The following KCND3 variants were observed in gnomAD, a reference collection of about 807,000 sequenced individuals.
KCND3 encodes A-type voltage-gated potassium channel KCND3.
In KCND3, 9 loss-of-function variants were observed where a neutral mutation model predicts 51.1. The ratio of observed to expected loss-of-function variants is 0.18; its 90% confidence interval spans 0.11 to 0.31. The LOEUF (loss-of-function observed/expected upper bound fraction) is 0.31, where lower values mean the gene tolerates loss of function less well. Ranked by LOEUF, KCND3 falls within the 10% of genes least tolerant of loss-of-function variation. The pLI, the probability that KCND3 is intolerant of heterozygous loss-of-function variation, is 1.00. For synonymous variants in KCND3, 349 were observed against 368.0 expected (o/e 0.95, Z 0.59); for missense variants, 526 against 903.8 (o/e 0.58, Z 5.36).
chr1:111,856,713 G>A (rs1668089732), intron 2 of KCND3: 1 of 152,342 alleles, frequency 6.6e-6, no homozygotes, highest in South Asian at 2.1e-4. Flanking sequence ...TATGAGCACT[G>A]GTTCCAAGCC....
At chr1:111,790,800 G>T (rs561748301) in intron 2 of KCND3, among the ~76,000 whole-genome samples, 2 of 152,148 alleles carry the variant, frequency 1.3e-5, no homozygotes, top group African/African-American at 4.8e-5. Flanking sequence ...CCCCGTTTTG[G>T]ACAATTCATG....
chr1:111,790,479 A>G (rs976903220), intron 2 of KCND3, among the ~76,000 whole-genome samples: 1 of 152,160 alleles, frequency 6.6e-6, no homozygotes, highest in Non-Finnish European at 1.5e-5. Context: ...CCCAATGCCC[A>G]CTTGCCACAG....
chr1:111,789,757 A>G (rs192807411), intron 2 of KCND3, among the ~76,000 whole-genome samples: 1 of 152,342 alleles, frequency 6.6e-6, no homozygotes, highest in Admixed American at 6.5e-5. Flanking sequence ...CATCTTGCCA[A>G]ATTAACCTTA....
intron 2 of KCND3, among the ~76,000 whole-genome samples, chr1:111,976,534 C>T (rs111622553): frequency 9.1e-4 from 139 of 152,330 alleles, no homozygotes; most frequent in African/African-American, 3.2e-3. Context: ...TATTGAGACA[C>T]ACTATATATC....
At chr1:111,916,819 C>T (rs1671239725) in intron 2 of KCND3, among the ~76,000 whole-genome samples, 1 of 152,136 alleles carries the variant, frequency 6.6e-6, no homozygotes, top group Non-Finnish European at 1.5e-5. Flanking sequence ...ATTTGAAAGA[C>T]ACCAGCTACC....
intron 2 of KCND3, among the ~76,000 whole-genome samples, chr1:111,792,503 G>A (rs1366543530): frequency 6.6e-6 from 1 of 152,188 alleles, no homozygotes; most frequent in Non-Finnish European, 1.5e-5. Flanking sequence ...GGAGTCAGCG[G>A]GAGCTTAGCC....
At chr1:111,809,455 C>T (rs1046307113) in intron 2 of KCND3, among the ~76,000 whole-genome samples, 2 of 151,880 alleles carry the variant, frequency 1.3e-5, no homozygotes, top group Non-Finnish European at 2.9e-5. Flanking sequence ...ACTACAGGCG[C>T]CCACCACCAC....
intron 2 of KCND3, among the ~76,000 whole-genome samples, chr1:111,978,454 G>C (rs76544868): frequency 6.4e-4 from 97 of 152,278 alleles, no homozygotes; most frequent in African/African-American, 2.2e-3. Flanking sequence ...ATGGCCACTT[G>C]GACTCAAATG....
intron 2 of KCND3, among the ~76,000 whole-genome samples, chr1:111,788,631 G>C (rs1005099107): frequency 1.3e-5 from 2 of 152,196 alleles, no homozygotes; most frequent in African/African-American, 4.8e-5. Context: ...ACGTGCACTA[G>C]CATTAAGGCC....
rs1022820208 is a variant in KCND3 at position 111,944,277 on chromosome 1, G to A, written c.1106+37344C>T. Among the ~76,000 whole-genome samples, 8 of 152,290 alleles carry A rather than the reference G, an allele frequency of 5.3e-5. No individual in the cohort carries two copies. The South Asian group carries it at 8.3e-4, about 16-fold the overall frequency. ...GTGGGGCGCAGGCCACAAGAAGCCC[G>A]CTCAGAGCTGGCAATGGCTGTGCTG... On this transcript the variant is annotated intron_variant, in intron 2 of 7. Transcript: ENST00000302127.
At chr1:111,782,403 A>AG (rs140841780) in intron 3 of KCND3, among the ~76,000 whole-genome samples, 3,841 of 152,204 alleles carry the variant, frequency 0.025, 156 homozygotes, top group African/African-American at 0.089. Context: ...GAGAATAAAA[A>AG]GGGGGACCTG....
intron 2 of KCND3, among the ~76,000 whole-genome samples, chr1:111,861,394 T>C (rs1668334355): frequency 6.6e-6 from 1 of 151,632 alleles, no homozygotes; most frequent in Non-Finnish European, 1.5e-5. Flanking sequence ...GGGATCCTTC[T>C]AAACTTCAAC....
At chr1:111,797,681 C>T (rs114917090) in intron 2 of KCND3, among the ~76,000 whole-genome samples, 26 of 152,218 alleles carry the variant, frequency 1.7e-4, no homozygotes, top group Admixed American at 3.3e-4. Flanking sequence ...CTCTTGGAGG[C>T]AGAAGCACTG....
chr1:111,902,316 A>C (rs946046382), intron 2 of KCND3, among the ~76,000 whole-genome samples: 1 of 152,304 alleles, frequency 6.6e-6, no homozygotes. Flanking sequence ...ACTTAACAAC[A>C]CACCTACATC....
At chr1:111,920,727 G>A (rs1455308099) in intron 2 of KCND3, among the ~76,000 whole-genome samples, 1 of 152,158 alleles carries the variant, frequency 6.6e-6, no homozygotes, top group Non-Finnish European at 1.5e-5. Flanking sequence ...AAGGTCCACT[G>A]CCAGTCAAGC....
At chr1:111,814,347 C>T (rs537442799) in intron 2 of KCND3, among the ~76,000 whole-genome samples, 15 of 152,252 alleles carry the variant, frequency 9.9e-5, no homozygotes, top group Admixed American at 5.2e-4. Flanking sequence ...CTGGAGGAGG[C>T]GGCTGCCAAT....
chr1:111,961,882 G>A (rs888793675), intron 2 of KCND3, among the ~76,000 whole-genome samples: 8 of 152,190 alleles, frequency 5.3e-5, no homozygotes, highest in Non-Finnish European at 1.2e-4. Context: ...AGTGAGTGAT[G>A]CCCACAGAGC....
intron 2 of KCND3, among the ~76,000 whole-genome samples, chr1:111,951,860 T>A (rs561475242): frequency 6.6e-6 from 1 of 152,108 alleles, no homozygotes; most frequent in Non-Finnish European, 1.5e-5. Flanking sequence ...TCCAAGGTGA[T>A]AGTGTGGGAA....
At chr1:111,915,684 C>A (rs1036439391) in intron 2 of KCND3, among the ~76,000 whole-genome samples, 2 of 143,876 alleles carry the variant, frequency 1.4e-5, no homozygotes, top group Non-Finnish European at 3.0e-5. Context: ...ACCCAGGAGG[C>A]GGAGCTTGCA....
Sources: allele counts gnomAD v4.1 joint callset (sites outside exome capture counted in the v4.1 genomes callset), GRCh38; gene constraint gnomAD v4.1.1; transcripts MANE v1.5; gene names NCBI Gene and HGNC (gene_info 2026-07-23, HGNC 2026-07-21).